Variants in FAP observed in about 807,000 individuals in gnomAD.
FAP encodes prolyl endopeptidase FAP.
FAP carries 110 observed loss-of-function variants against 126.5 expected under a neutral mutation model. That is an observed-to-expected ratio of 0.87 (90% confidence interval 0.74 to 1.02). The LOEUF (loss-of-function observed/expected upper bound fraction) is 1.02. Among genes scored for constraint, FAP ranks in the 50% least tolerant of loss-of-function variants. The pLI is 0.00. For missense variants in FAP, 919 were observed against 909.2 expected (o/e 1.01, Z -0.14); for synonymous variants, 334 against 297.3 (o/e 1.12, Z -1.27).
At chr2:162,186,325 C>A (rs912087728) in intron 20 of FAP, among the ~76,000 whole-genome samples, 5 of 152,054 alleles carry the variant, frequency 3.3e-5, no homozygotes, top group African/African-American at 1.2e-4. Flanking sequence ...TAGAGGTATC[C>A]AATTACCACC....
At chr2:162,209,931 A>G (rs1410106786) in intron 12 of FAP, 21 bp downstream of exon 12, 1 of 1,609,220 alleles carries the variant, frequency 6.2e-7, no homozygotes, top group Admixed American at 1.7e-5. Flanking sequence ...AAAACATAAG[A>G]AAAAGATAGC....
chr2:162,203,014 A>C (rs1688555409), intron 13 of FAP, 27 bp downstream of exon 13: 1 of 1,595,784 alleles, frequency 6.3e-7, no homozygotes, highest in Non-Finnish European at 8.6e-7. Flanking sequence ...ATGATCTTTG[A>C]GGAGATAAAT....
intron 16 of FAP, among the ~76,000 whole-genome samples, chr2:162,196,418 G>T (rs552125028): frequency 6.6e-6 from 1 of 151,498 alleles, no homozygotes; most frequent in South Asian, 2.1e-4. Flanking sequence ...AGCATGCAAA[G>T]AAATGAGACA....
chr2:162,198,147 T>C, intron 16 of FAP: 3 of 1,270,680 alleles, frequency 2.4e-6, no homozygotes, highest in Non-Finnish European at 3.1e-6. Flanking sequence ...ATTTTATTAC[T>C]TATGGTTTGT....
intron 22 of FAP, among the ~76,000 whole-genome samples, chr2:162,174,520 C>A (rs1254189933): frequency 6.6e-6 from 1 of 152,090 alleles, no homozygotes; most frequent in Non-Finnish European, 1.5e-5. Context: ...TGGCCTCTGG[C>A]CTGACCGTGC....
intron 2 of FAP, among the ~76,000 whole-genome samples, chr2:162,236,168 T>C (rs1690121310): frequency 6.6e-6 from 1 of 152,204 alleles, no homozygotes; most frequent in Non-Finnish European, 1.5e-5. Flanking sequence ...TGTCATGGTG[T>C]GTAATCCTTT....
intron 2 of FAP, among the ~76,000 whole-genome samples, chr2:162,230,712 T>TA (rs1029210616): frequency 9.9e-5 from 15 of 152,080 alleles, no homozygotes; most frequent in Admixed American, 8.5e-4. Flanking sequence ...TGTGCTTATA[T>TA]AAAAAACAGA....
rs554239683 is a variant in FAP at position 162,173,730 on chromosome 2, T to C, written c.2027A>G (p.His676Arg). ...TAAAATGGAAACACTTACCTTATAG[T>C]GCTCAAGATTATCATCCTTTGTTGG... ...GLPTKDDNLEHYKNSTVMARA... is the reference protein window; with the variant it reads ...GLPTKDDNLERYKNSTVMARA... The change falls in exon 23 of 26, where the codon CAC (histidine) becomes CGC (arginine). Residue 676 changes from histidine (H) to arginine (R), a missense_variant. Transcript: ENST00000188790. 1.3e-6 allele frequency: 2 copies of C among 1,594,684 alleles called. No homozygotes were observed. Among genetic ancestry groups the C allele is most frequent in the East Asian group, 2.2e-5 (1 of 44,748 alleles).
At chr2:162,174,534 A>G (rs1687419788) in intron 22 of FAP, among the ~76,000 whole-genome samples, 1 of 152,142 alleles carries the variant, frequency 6.6e-6, no homozygotes, top group Admixed American at 6.6e-5. Flanking sequence ...ACCGTGCTGA[A>G]GATGTGCTTA....
intron 14 of FAP, 59 bp from the exon 15 acceptor site, chr2:162,200,678 G>C (rs185429303): frequency 3.9e-6 from 3 of 765,160 alleles, no homozygotes; most frequent in Non-Finnish European, 6.5e-6. Flanking sequence ...AGGATTGTTA[G>C]TATTAATACT....
chr2:162,174,782 C>A (rs1687428964), intron 22 of FAP, 85 bp downstream of exon 22: 2 of 900,222 alleles, frequency 2.2e-6, no homozygotes, highest in African/African-American at 3.3e-5. Flanking sequence ...AATTTTACTG[C>A]ATAATCCATT....
At chr2:162,204,624 G>C (rs1330378611) in intron 12 of FAP, among the ~76,000 whole-genome samples, 1 of 152,186 alleles carries the variant, frequency 6.6e-6, no homozygotes, top group Non-Finnish European at 1.5e-5. Flanking sequence ...GAAGCTGGAA[G>C]AGACAGGGAG....
chr2:162,222,212 A>G (rs1187856137), intron 6 of FAP, among the ~76,000 whole-genome samples: 1 of 152,202 alleles, frequency 6.6e-6, no homozygotes, highest in Non-Finnish European at 1.5e-5. Context: ...GCTTTGAGAA[A>G]CTGGACTGAA....
chr2:162,239,085 G>T (rs1220990187), intron 2 of FAP, among the ~76,000 whole-genome samples: 1 of 151,976 alleles, frequency 6.6e-6, no homozygotes, highest in Admixed American at 6.6e-5. Flanking sequence ...AAATGATTTT[G>T]GTCTCATAGC....
At chr2:162,185,438 A>G (rs1198325941) in intron 20 of FAP, among the ~76,000 whole-genome samples, 1 of 152,136 alleles carries the variant, frequency 6.6e-6, no homozygotes, top group Non-Finnish European at 1.5e-5. Flanking sequence ...AAATGAGCAA[A>G]GTTGCCCTTA....
In FAP at chr2:162,234,328, A is replaced by C. The variant is rs139853933; in HGVS notation, c.92-7707T>G. On this transcript the variant is annotated intron_variant, in intron 2 of 25. Coordinates refer to ENST00000188790, the MANE Select transcript of FAP (RefSeq NM_004460.5). Reference sequence around the variant, plus strand: ...ATTGCCATCTTAAAAATATTGTTTTATGATCCATAAACATGGGATGTCTTT... The same window carrying C: ...ATTGCCATCTTAAAAATATTGTTTTCTGATCCATAAACATGGGATGTCTTT... 3.4e-3 allele frequency among the ~76,000 whole-genome samples: 520 copies of C among 152,276 alleles called. 4 individuals are homozygous for C. The highest frequency in any genetic ancestry group is 0.012 in the African/African-American group (493 of 41,556).
At position 162,209,809 on chromosome 2, in the gene FAP, A is replaced by ATCAC. The variant is rs150943246; in HGVS notation, c.1047+139_1047+142dup. On this transcript the variant is annotated intron_variant, in intron 12 of 25. Transcript: ENST00000188790. Reference sequence around the variant, plus strand: ...TGTCCGGCACAAAATCACTCAAGAGATCACTACCTATGTGTTTTATACCTT... The same window carrying ATCAC: ...TGTCCGGCACAAAATCACTCAAGAGATCACTCACTACCTATGTGTTTTATACCTT... 0.012 allele frequency: 7,529 copies of ATCAC among 648,036 alleles called. 441 individuals carry two copies. The African/African-American group carries it at 0.12, about 11-fold the overall frequency. 40.1% of individuals were successfully genotyped at this position (648,036 alleles called of 1,614,324 possible). A position where few individuals can be genotyped will look rare whatever the true frequency, so the allele number is the denominator to read the frequency against.
intron 6 of FAP, among the ~76,000 whole-genome samples, chr2:162,220,958 A>G (rs1429392905): frequency 6.6e-6 from 1 of 152,106 alleles, no homozygotes; most frequent in African/African-American, 2.4e-5. Flanking sequence ...AAGCTCTCCA[A>G]CCTGGAGCTA....
Position 162,219,078 on chromosome 2 carries a change from C to T in FAP, c.592G>A (p.Asp198Asn). 1 of 1,604,020 alleles carries T rather than the reference C, an allele frequency of 6.2e-7. No individual in the cohort carries two copies. The highest frequency in any genetic ancestry group is 8.5e-7 in the Non-Finnish European group (1 of 1,174,730). The change falls in exon 8 of 26, where the codon GAC becomes AAC. Residue 198 changes from aspartate (D) to asparagine (N), a missense_variant. Physicochemically the swap from Asp to Asn is conservative, Grantham distance 23. Coordinates refer to ENST00000188790, the MANE Select transcript of FAP (RefSeq NM_004460.5). The part of the protein sequence containing the change: ...RENKIFNGIP[D>N]WVYEEEMLAT... The stretch of plus-strand genomic sequence containing the variant: ...TACAGCTTACCTTCATAAACCCAGT[C>T]TGGGATTCCATTAAATATTTTATTT...
Sources: allele counts gnomAD v4.1 joint callset (sites outside exome capture counted in the v4.1 genomes callset), GRCh38; gene constraint gnomAD v4.1.1; transcripts MANE v1.5; gene names NCBI Gene and HGNC (gene_info 2026-07-23, HGNC 2026-07-21).